DDX59: variants seen among roughly 807,000 people sequenced by gnomAD.
DDX59 encodes DEAD-box helicase 59.
DDX59 carries 30 observed loss-of-function variants against 51.9 expected under a neutral mutation model. That is an observed-to-expected ratio of 0.58 (90% CI 0.43 to 0.78). The LOEUF is 0.78. DDX59 is among the 30% of genes least tolerant of loss of function. The probability of loss-of-function intolerance (pLI) is 0.00; values close to 1 mark genes in which losing one functional copy is unlikely to be tolerated. For synonymous variants in DDX59, 255 were observed against 253.3 expected, an observed-to-expected ratio of 1.01 and a Z score of -0.06; for missense variants, 672 against 730.8, an observed-to-expected ratio of 0.92 and a Z score of 0.93.
chr1:200,659,534 G>A (rs1662246660), intron 3 of DDX59, among the ~76,000 whole-genome samples: 2 of 152,174 alleles, frequency 1.3e-5, no homozygotes, highest in Admixed American at 6.5e-5. Flanking sequence ...GCACCAGGAA[G>A]GACCTTGTAG....
In DDX59 at chr1:200,663,939, G is replaced by C. The variant is rs755781399; in HGVS notation, c.952C>G (p.Arg318Gly). The change falls in exon 3 of 8, where the codon CGT becomes GGT. Residue 318 changes from arginine to glycine, a missense_variant. Arg to Gly is a moderately radical substitution (Grantham distance 125). Transcript: ENST00000331314. The stretch of plus-strand genomic sequence containing the variant: ...CTTACCTTAACATGTTGTTGCAGAC[G>C]ATAAAGCTGTGGGGGTAAGGGTAAG... The part of the protein sequence containing the change: ...GGLPLPPQLY[R>G]LQQHVKVIIA... 2 of 1,612,578 alleles carry C rather than the reference G, an allele frequency of 1.2e-6. No homozygotes were observed. The highest frequency in any genetic ancestry group is 1.1e-5 in the South Asian group (1 of 90,788).
chr1:200,651,850 T>C (rs1334744235), intron 4 of DDX59, among the ~76,000 whole-genome samples: 1 of 151,692 alleles, frequency 6.6e-6, no homozygotes, highest in East Asian at 1.9e-4. Flanking sequence ...CTACTAAAAA[T>C]ACAAAAAATT....
chr1:200,665,741 T>C (rs943365568), intron 2 of DDX59, among the ~76,000 whole-genome samples, 196 bp downstream of exon 2: 1 of 152,186 alleles, frequency 6.6e-6, no homozygotes, highest in Admixed American at 6.6e-5. Context: ...TGGTTCAATA[T>C]AATACAAGAA....
chr1:200,644,848 A>G lies in DDX59; in HGVS notation c.1597-331T>C, dbSNP rs546943003. ...GAGGCGGAGCTTGCAATGAGCTGAG[A>G]TCGTGCCACTGCACTCCAGCCTGGG... On this transcript the variant is annotated intron_variant, in intron 7 of 7. Transcript: ENST00000331314. Among the ~76,000 whole-genome samples, 20 of 143,382 alleles carry G rather than the reference A, an allele frequency of 1.4e-4. No homozygotes were observed. In the South Asian group the frequency reaches 4.5e-3, roughly 32 times the overall value. 94.1% of individuals were successfully genotyped at this position (143,382 alleles called of 152,430 possible). A position where few individuals can be genotyped will look rare whatever the true frequency, so the allele number is the denominator to read the frequency against.
At chr1:200,662,196 A>C (rs1198268127) in intron 3 of DDX59, among the ~76,000 whole-genome samples, 2 of 152,310 alleles carry the variant, frequency 1.3e-5, no homozygotes, top group East Asian at 3.9e-4. Flanking sequence ...AGCATGGACT[A>C]ATACACAATG....
chr1:200,644,629 C>T, intron 7 of DDX59, 112 bp from the exon 8 acceptor site: 1 of 1,317,638 alleles, frequency 7.6e-7, no homozygotes, highest in Non-Finnish European at 1.0e-6. Context: ...GGTGCAGTGG[C>T]TCACGCCTGT....
intron 6 of DDX59, 110 bp downstream of exon 6, chr1:200,648,964 A>T: frequency 9.1e-7 from 1 of 1,100,766 alleles, no homozygotes; most frequent in Non-Finnish European, 1.3e-6. Flanking sequence ...ATGGTCTTGT[A>T]GTCATTAAAA....
chr1:200,654,285 C>T (rs911580979), intron 4 of DDX59, among the ~76,000 whole-genome samples: 1 of 151,826 alleles, frequency 6.6e-6, no homozygotes, highest in Non-Finnish European at 1.5e-5. Flanking sequence ...TGGTGGTGGG[C>T]GCCTGTAGTC....
rs1419944385 is a variant in DDX59, at chr1:200,652,005, C to T, written c.1063-1329G>A. On this transcript the variant is annotated intron_variant, in intron 4 of 7. Transcript: ENST00000331314. ...CCTGGGCTATAGAGTGAGCCTCCGT[C>T]TCAAAAAAAAAAAAAAAAAAAAAGA... Among the ~76,000 whole-genome samples, 17 of 32,342 alleles carry T rather than the reference C, an allele frequency of 5.3e-4. No individual in the cohort carries two copies. The Admixed American group carries it at 7.9e-3, about 15-fold the overall frequency. The allele number at this position is 32,342 out of a possible 152,430, so 21.2% of individuals were successfully genotyped here. A position where few individuals can be genotyped will look rare whatever the true frequency, so the allele number is the denominator to read the frequency against.
intron 4 of DDX59, among the ~76,000 whole-genome samples, chr1:200,657,481 G>T (rs892919746): frequency 1.3e-5 from 2 of 152,052 alleles, no homozygotes; most frequent in African/African-American, 4.8e-5. Flanking sequence ...CGGGTGCAGT[G>T]GCTCACACCT....
rs1000655336 is a variant in DDX59, at chr1:200,645,207, A to G, written c.1597-690T>C. Among the ~76,000 whole-genome samples, 3 of 152,208 alleles carry G rather than the reference A, an allele frequency of 2.0e-5. No homozygotes were observed. The East Asian group carries it at 5.8e-4, about 29-fold the overall frequency. On this transcript the variant is annotated intron_variant, in intron 7 of 7. Coordinates refer to ENST00000331314, the MANE Select transcript of DDX59 (RefSeq NM_001031725.6). Reference sequence around the variant, plus strand: ...AAGCCCCTGCATTAAGAGCAAGAGGACTATTTACTTCCAAGGCTACTTAAG... The same window carrying G: ...AAGCCCCTGCATTAAGAGCAAGAGGGCTATTTACTTCCAAGGCTACTTAAG...
chr1:200,662,373 CTTTAAG>C (rs1375467369), intron 3 of DDX59, among the ~76,000 whole-genome samples: 1 of 152,124 alleles, frequency 6.6e-6, no homozygotes, highest in African/African-American at 2.4e-5. Context: ...TACCACCTTT[CTTTAAG>C]TTTGAGATTG....
chr1:200,648,264 T>C (rs1013274569), intron 7 of DDX59, among the ~76,000 whole-genome samples, 175 bp downstream of exon 7: 21 of 152,248 alleles, frequency 1.4e-4, no homozygotes, highest in Admixed American at 1.4e-3. Flanking sequence ...CCTAACTTCA[T>C]GTGATCCATC....
intron 3 of DDX59, among the ~76,000 whole-genome samples, chr1:200,659,427 A>G (rs1022842254): frequency 6.6e-6 from 1 of 152,204 alleles, no homozygotes; most frequent in African/African-American, 2.4e-5. Context: ...GTGATTAAGG[A>G]GAAAAGTATC....
chr1:200,653,878 G>A lies in DDX59; in HGVS notation c.1063-3202C>T, dbSNP rs143296643. ...GAGCTCTCCCTGACTACCAATCCAA[G>A]GTAACCCCCCTCCCCTCGTTGCCAC... On this transcript the variant is annotated intron_variant, in intron 4 of 7. Transcript: ENST00000331314. 3.6e-3 allele frequency among the ~76,000 whole-genome samples: 547 copies of A among 152,122 alleles called. 1 individual carries two copies. The highest frequency in any genetic ancestry group is 0.012 in the African/African-American group (516 of 41,478).
chr1:200,666,416 C>T lies in DDX59; in HGVS notation c.325G>A (p.Val109Ile), dbSNP rs1388678963. 6 of 1,614,106 alleles carry T rather than the reference C, an allele frequency of 3.7e-6. No individual in the cohort carries two copies. Among genetic ancestry groups the T allele is most frequent in the Non-Finnish European group, 5.1e-6 (6 of 1,180,052 alleles). ...RWAEPGEPIC[V>I]VCGRYGEYIC... ...TACTCTCCATAACGACCACAGACAACACAGATGGGTTCCCCTGGTTCTGCC... is the reference window on the plus strand; with the variant it reads ...TACTCTCCATAACGACCACAGACAATACAGATGGGTTCCCCTGGTTCTGCC... Residue 109 changes from valine to isoleucine, a missense_variant, in exon 2 of 8, where the codon GTT becomes ATT. Transcript: ENST00000331314.
chr1:200,644,004 A>AC (rs1661133512), downstream of DDX59: 1 of 394,738 alleles, frequency 2.5e-6, no homozygotes. Context: ...AGCTCTGAGG[A>AC]CTGTTTATTT....
At chr1:200,643,488 A>T (rs1661110683), downstream of DDX59, among the ~76,000 whole-genome samples, 2 of 151,688 alleles carry the variant, frequency 1.3e-5, no homozygotes, top group Admixed American at 1.3e-4. Flanking sequence ...CTAAAAATAC[A>T]AAAAATTAGC....
intron 4 of DDX59, among the ~76,000 whole-genome samples, chr1:200,653,101 C>T (rs1661774139): frequency 6.6e-6 from 1 of 152,210 alleles, no homozygotes; most frequent in Non-Finnish European, 1.5e-5. Flanking sequence ...CTTCTTTCCT[C>T]ATCTGTGCTC....
Sources: allele counts gnomAD v4.1 joint callset (sites outside exome capture counted in the v4.1 genomes callset), GRCh38; gene constraint gnomAD v4.1.1; transcripts MANE v1.5; gene names NCBI Gene and HGNC (gene_info 2026-07-23, HGNC 2026-07-21).